The following PNPT1 variants were observed in gnomAD, a reference collection of about 807,000 sequenced individuals.
PNPT1 encodes polyribonucleotide nucleotidyltransferase 1.
Under a neutral mutation model 119.5 loss-of-function variants are expected in PNPT1, and 53 were observed. The ratio of observed to expected loss-of-function variants is 0.44; its 90% CI spans 0.36 to 0.56. The LOEUF (loss-of-function observed/expected upper bound fraction) is 0.56. PNPT1 is among the 20% of genes least tolerant of loss of function. The pLI is 0.00. For synonymous variants in PNPT1, 357 were observed against 322.1 expected, an observed-to-expected ratio of 1.11 and a Z score of -1.16; for missense variants, 948 against 938.5, an observed-to-expected ratio of 1.01 and a Z score of -0.13.
intron 8 of PNPT1, among the ~76,000 whole-genome samples, chr2:55,677,596 CAAAAAAAAAAAAA>C (rs70954146): frequency 1.5e-4 from 5 of 33,504 alleles, no homozygotes; most frequent in South Asian, 1.3e-3. Flanking sequence ...GACTATGTCT[CAAAAAAAAAAAAA>C]AAAAAAAAAA....
At chr2:55,639,561 T>A (rs1695778472) in intron 26 of PNPT1, among the ~76,000 whole-genome samples, 1 of 152,236 alleles carries the variant, frequency 6.6e-6, no homozygotes, top group South Asian at 2.1e-4. Context: ...ATATCTTGGT[T>A]GGCTTTTTAT....
chr2:55,686,990 G>A (rs1236183781), intron 2 of PNPT1, among the ~76,000 whole-genome samples: 8 of 151,910 alleles, frequency 5.3e-5, no homozygotes, highest in South Asian at 2.1e-4. Flanking sequence ...TGAGGCAGGC[G>A]GATCACGAGG....
rs201269381 is a variant in PNPT1, at chr2:55,643,350, C to G, written c.1982G>C (p.Arg661Thr). ...CTTGCAGATTTCAGTAATGAAGTCT[C>G]TTGCCTCATGCATAGCACTGGGTGT... The part of the protein sequence containing the change: ...APTPSAMHEA[R>T]DFITEICKDD... Residue 661 changes from arginine (R) to threonine (T), a missense_variant, in exon 24 of 28, where the codon AGA becomes ACA. Transcript: ENST00000447944. 1 of 1,614,068 alleles carries G rather than the reference C, an allele frequency of 6.2e-7. No individual in the cohort carries two copies. Among genetic ancestry groups the G allele is most frequent in the African/African-American group, 1.3e-5 (1 of 74,932 alleles).
intron 13 of PNPT1, among the ~76,000 whole-genome samples, chr2:55,662,661 G>A (rs987591767): frequency 8.5e-5 from 13 of 152,090 alleles, no homozygotes; most frequent in African/African-American, 3.1e-4. Flanking sequence ...GCAACAGAGC[G>A]AGACTCTGTC....
At chr2:55,660,136 G>A (rs1378624433) in intron 15 of PNPT1, 21 bp downstream of exon 15, 3 of 1,563,836 alleles carry the variant, frequency 1.9e-6, no homozygotes, top group Non-Finnish European at 2.6e-6. Flanking sequence ...ATAAAATTTT[G>A]AGGAAAAAAA....
chr2:55,681,916 C>T (rs1432482518), intron 5 of PNPT1, among the ~76,000 whole-genome samples: 1 of 150,216 alleles, frequency 6.7e-6, no homozygotes, highest in Non-Finnish European at 1.5e-5. Context: ...CTGAGGCGGG[C>T]AGATCACGGG....
Position 55,647,415 on chromosome 2 carries a change from C to G in PNPT1, c.1534G>C (p.Gly512Arg). The G allele has an allele frequency of 6.2e-7, 1 of 1,609,236 alleles. No individual in the cohort carries two copies. The highest frequency in any genetic ancestry group is 1.1e-5 in the South Asian group (1 of 90,204). Residue 512 changes from glycine to arginine, a missense_variant, in exon 19 of 28, where the codon GGA becomes CGA. Gly to Arg is a moderately radical substitution (Grantham distance 125). Coordinates refer to ENST00000447944, the MANE Select transcript of PNPT1 (RefSeq NM_033109.5). ...ISSAVAGVAI[G>R]LVTKTDPEKG... is the part of the protein sequence containing the mutation. ...TCAGGATCGGTTTTGGTGACCAATC[C>G]TATTGCTACGCCTGCAACAGCAGAT... is the stretch of plus-strand genomic sequence containing the variant.
At chr2:55,676,322 A>C (rs529617561) in intron 8 of PNPT1, among the ~76,000 whole-genome samples, 1 of 151,178 alleles carries the variant, frequency 6.6e-6, no homozygotes, top group East Asian at 1.9e-4. Context: ...TTAGCAGTTG[A>C]AGATGAAGGA....
In PNPT1 at chr2:55,679,821, C is replaced by T. The variant is rs971326300; in HGVS notation, c.566-26G>A. ...CTAAAATGTATTAGAATATTGGCAA[C>T]TGTTTAATGGAAATACCCAGTTTTC... On this transcript the variant is annotated intron_variant, in intron 7 of 27. Coordinates refer to ENST00000447944, the MANE Select transcript of PNPT1 (RefSeq NM_033109.5). 8.0e-6 allele frequency: 12 copies of T among 1,499,382 alleles called. No individual in the cohort carries two copies. In the African/African-American group the frequency reaches 1.4e-4, roughly 17 times the overall value. The allele number at this position is 1,499,382 out of a possible 1,614,324, so 92.9% of individuals were successfully genotyped here.
intron 11 of PNPT1, among the ~76,000 whole-genome samples, chr2:55,669,093 T>G (rs1223033852): frequency 6.6e-6 from 1 of 152,190 alleles, no homozygotes; most frequent in Non-Finnish European, 1.5e-5. Context: ...ACTTATGAAC[T>G]AAATTTTATG....
intron 1 of PNPT1, 23 bp from the exon 2 acceptor site, chr2:55,687,728 T>G (rs374827168): frequency 5.1e-6 from 8 of 1,556,916 alleles, no homozygotes; most frequent in Non-Finnish European, 7.0e-6. Context: ...AAAAATGCAA[T>G]ACAAGAAGAC....
chr2:55,646,446 G>A lies in PNPT1; in HGVS notation c.1643C>T (p.Ala548Val). 2 of 1,612,734 alleles carry A rather than the reference G, an allele frequency of 1.2e-6. No homozygotes were observed. Among genetic ancestry groups the A allele is most frequent in the Non-Finnish European group, 1.7e-6 (2 of 1,179,558 alleles). The change falls in exon 20 of 28, where the codon GCT (alanine) becomes GTT (valine). Residue 548 changes from alanine to valine, a missense_variant. Coordinates refer to ENST00000447944, the MANE Select transcript of PNPT1 (RefSeq NM_033109.5). ...TGCAGTTATTCCTTTATTAGTGCCA[G>A]CTATTTTGAAGTCCATGTCACCATT... ...DYNGDMDFKI[A>V]GTNKGITALQ...
chr2:55,638,215 TTGCC>T (rs1695733839), intron 26 of PNPT1, among the ~76,000 whole-genome samples: 1 of 150,928 alleles, frequency 6.6e-6, no homozygotes, highest in African/African-American at 2.4e-5. Context: ...GGCAGGAGAA[TTGCC>T]TGAATCTGGG....
rs758813966 is a variant in PNPT1, at chr2:55,686,388, G to C, written c.279C>G (p.Ser93=). Residue 93 remains serine (S), a synonymous_variant, in exon 3 of 28, where the codon TCC becomes TCG. Transcript: ENST00000447944. The part of the protein sequence containing the change: ...TAVSKTKPSP[S]QFMPLVVDYR... ...TACTTACCACCAAAGGCATAAACTG[G>C]GAAGGGGAAGGTTTTGTTTTACTGA... 1 of 1,613,308 alleles carries C rather than the reference G, an allele frequency of 6.2e-7. No individual in the cohort carries two copies. The highest frequency in any genetic ancestry group is 1.1e-5 in the South Asian group (1 of 91,058).
chr2:55,646,660 A>G (rs1696014321), intron 19 of PNPT1, among the ~76,000 whole-genome samples, 174 bp from the exon 20 acceptor site: 1 of 152,140 alleles, frequency 6.6e-6, no homozygotes, highest in Non-Finnish European at 1.5e-5. Flanking sequence ...TTTAAGCTAC[A>G]ATTATTTTCA....
intron 18 of PNPT1, among the ~76,000 whole-genome samples, chr2:55,651,368 T>C (rs1478553732): frequency 6.6e-6 from 1 of 152,068 alleles, no homozygotes; most frequent in Non-Finnish European, 1.5e-5. Flanking sequence ...AGAAATCGGA[T>C]GGTTGCCGTG....
chr2:55,688,236 T>C (rs1035397899), intron 1 of PNPT1, among the ~76,000 whole-genome samples: 4 of 151,944 alleles, frequency 2.6e-5, no homozygotes, highest in Non-Finnish European at 5.9e-5. Context: ...GATGAGTTCT[T>C]ACTATATTGT....
chr2:55,682,638 T>C (rs780446567), intron 5 of PNPT1, among the ~76,000 whole-genome samples: 2 of 152,110 alleles, frequency 1.3e-5, no homozygotes, highest in Admixed American at 6.5e-5. Context: ...CCGGGTGTGG[T>C]GGCTCATGTC....
Position 55,679,681 on chromosome 2 carries a change from C to A in PNPT1, c.679+1G>T. 1.3e-6 allele frequency: 2 copies of A among 1,586,182 alleles called. No individual in the cohort carries two copies. The highest frequency in any genetic ancestry group is 1.7e-6 in the Non-Finnish European group (2 of 1,156,958). ...CAAATGTGGTATTTAAAACAACTTA[C>A]CAATCTGACTTTTAGGTGCTCCAGC... On this transcript the variant is annotated splice_donor_variant, in intron 8 of 27. Coordinates refer to ENST00000447944, the MANE Select transcript of PNPT1 (RefSeq NM_033109.5). LOFTEE classifies it high-confidence loss of function.
Sources: allele counts gnomAD v4.1 joint callset (sites outside exome capture counted in the v4.1 genomes callset), GRCh38; gene constraint gnomAD v4.1.1; transcripts MANE v1.5; gene names NCBI Gene and HGNC (gene_info 2026-07-23, HGNC 2026-07-21).